The following TRAF6 variants were observed in gnomAD, a reference collection of about 807,000 sequenced individuals.
TRAF6 encodes TNF receptor-associated factor 6.
A neutral mutation model predicts 48.4 loss-of-function variants in TRAF6; 10 were observed. That is an observed-to-expected ratio of 0.21 (90% CI 0.13 to 0.35). The LOEUF (loss-of-function observed/expected upper bound fraction) is 0.35, where lower values mean the gene tolerates loss of function less well. TRAF6 is among the 10% of genes least tolerant of loss of function. TRAF6 has a pLI of 1.00. For missense variants in TRAF6, 397 were observed against 661.0 expected, an observed-to-expected ratio of 0.60 and a Z score of 4.38; for synonymous variants, 186 against 219.6, an observed-to-expected ratio of 0.85 and a Z score of 1.35.
Position 36,491,150 on chromosome 11 carries a change from C to T in TRAF6, c.757-500G>A, listed in dbSNP as rs775558685. Among the ~76,000 whole-genome samples, 277 of 97,790 alleles carry T rather than the reference C, an allele frequency of 2.8e-3. 1 individual carries two copies. The highest frequency in any genetic ancestry group is 4.3e-3 in the Non-Finnish European group (225 of 51,842). 64.2% of individuals were successfully genotyped at this position (97,790 alleles called of 152,430 possible). On this transcript the variant is annotated intron_variant, in intron 6 of 6. Transcript: ENST00000526995. ...TGTCTCTCTCTAGTTAATATTAATA[C>T]CATTTTTTTTAAAGTCAAGAATATA...
intron 3 of TRAF6, among the ~76,000 whole-genome samples, chr11:36,498,004 C>A (rs1859664118): frequency 6.6e-6 from 1 of 151,672 alleles, no homozygotes; most frequent in South Asian, 2.1e-4. Context: ...CCTGCTTTGG[C>A]CTCCTGAGTA....
rs1489280514 is a variant in TRAF6 at position 36,488,713 on chromosome 11, A to AAC, written c.*1123_*1124dup. 1 of 152,240 alleles carries AAC rather than the reference A, an allele frequency of 6.6e-6. No individual in the cohort carries two copies. Among genetic ancestry groups the AAC allele is most frequent in the Non-Finnish European group, 1.5e-5 (1 of 68,046 alleles). The allele number at this position is 152,240 out of a possible 1,614,324, so 9.4% of individuals were successfully genotyped here. A position where few individuals can be genotyped will look rare whatever the true frequency, so the allele number is the denominator to read the frequency against. On this transcript the variant is annotated 3_prime_UTR_variant, in exon 7 of 7. Coordinates refer to ENST00000526995, the MANE Select transcript of TRAF6 (RefSeq NM_004620.4). ...GAACCTGCAGTTGTTAGGCTACAGC[A>AAC]ACATACTCAAGCTAAGTTGTGATAC...
intron 1 of TRAF6, among the ~76,000 whole-genome samples, chr11:36,506,265 G>A (rs1294669493): frequency 6.6e-6 from 1 of 152,176 alleles, no homozygotes; most frequent in Non-Finnish European, 1.5e-5. Context: ...TGTTGGATCA[G>A]AGGGTATGTA....
At chr11:36,495,271 G>C (rs1859614859) in intron 4 of TRAF6, among the ~76,000 whole-genome samples, 1 of 152,090 alleles carries the variant, frequency 6.6e-6, no homozygotes, top group Non-Finnish European at 1.5e-5. Flanking sequence ...AAAAGAGCAG[G>C]GTAGTATATA....
intron 5 of TRAF6, among the ~76,000 whole-genome samples, 176 bp from the exon 6 acceptor site, chr11:36,492,804 T>C (rs748924082): frequency 6.6e-6 from 1 of 152,246 alleles, no homozygotes; most frequent in Admixed American, 6.5e-5. Context: ...TCAAAAGTTA[T>C]AGAGAAAGGA....
At chr11:36,502,130 G>C (rs1220842587) in intron 1 of TRAF6, among the ~76,000 whole-genome samples, 2 of 152,176 alleles carry the variant, frequency 1.3e-5, no homozygotes, top group Non-Finnish European at 2.9e-5. Context: ...GTGTGATTTA[G>C]TGCAAGTTAC....
At chr11:36,501,957 G>T in intron 1 of TRAF6, 1 of 152,982 alleles carries the variant, frequency 6.5e-6, no homozygotes, top group Non-Finnish European at 1.5e-5. Context: ...CTTAGCACAC[G>T]ATTTTTCATA....
intron 2 of TRAF6, among the ~76,000 whole-genome samples, chr11:36,500,667 A>C (rs918170437): frequency 5.3e-5 from 8 of 152,184 alleles, no homozygotes; most frequent in Admixed American, 2.0e-4. Context: ...GTGGTGAGTC[A>C]CAACAGGGTG....
At position 36,490,599 on chromosome 11, in the gene TRAF6, T is replaced by C. The variant is rs1859550607; in HGVS notation, c.808A>G (p.Met270Val). 2 of 1,613,966 alleles carry C rather than the reference T, an allele frequency of 1.2e-6. No homozygotes were observed. The highest frequency in any genetic ancestry group is 8.5e-7 in the Non-Finnish European group (1 of 1,179,894). ...TGAACAGCCTGGGCCAACATTCTCA[T>C]GTGTGACTGGGTGTTCTCTTGTAGG... ...RHLQENTQSH[M>V]RMLAQAVHSL... The change falls in exon 7 of 7, where the codon ATG becomes GTG. Residue 270 changes from methionine (M) to valine (V), a missense_variant. By Grantham distance (21) the Met-to-Val change is conservative (BLOSUM62 1). Transcript: ENST00000526995. The surrounding 1 kb of genome is among the most constrained non-coding windows in gnomAD (Gnocchi z 6.4).
intron 2 of TRAF6, 103 bp downstream of exon 2, chr11:36,501,117 T>G: frequency 8.6e-7 from 1 of 1,159,548 alleles, no homozygotes; most frequent in Non-Finnish European, 1.2e-6. Flanking sequence ...CTAAGTAGCT[T>G]TTTATGTGTA....
intron 2 of TRAF6, among the ~76,000 whole-genome samples, chr11:36,498,898 G>T (rs966834827): frequency 1.2e-4 from 19 of 152,176 alleles, no homozygotes; most frequent in Admixed American, 7.9e-4. Context: ...ATAGATTCCA[G>T]CTTTTTGAGA....
At position 36,501,489 on chromosome 11, in the gene TRAF6, G is replaced by A. The variant is rs1237325582; in HGVS notation, c.27C>T (p.Ser9=). ...CACTTTCAGACTGGCTGGATCCACAGCTGTTTTCACAGTTTAGCAGACTCA... is the reference window on the plus strand; with the variant it reads ...CACTTTCAGACTGGCTGGATCCACAACTGTTTTCACAGTTTAGCAGACTCA... MSLLNCEN[S]CGSSQSESDC... Residue 9 remains serine, a synonymous_variant, in exon 2 of 7, where the codon AGC becomes AGT. Coordinates refer to ENST00000526995, the MANE Select transcript of TRAF6 (RefSeq NM_004620.4). 1 of 1,610,520 alleles carries A rather than the reference G, an allele frequency of 6.2e-7. No homozygotes were observed. Among genetic ancestry groups the A allele is most frequent in the South Asian group, 1.1e-5 (1 of 90,878 alleles).
Position 36,489,727 on chromosome 11 carries a change from T to C in TRAF6, c.*111A>G. 1 of 1,139,108 alleles carries C rather than the reference T, an allele frequency of 8.8e-7. No individual in the cohort carries two copies. The highest frequency in any genetic ancestry group is 1.3e-6 in the Non-Finnish European group (1 of 788,350). 70.6% of individuals were successfully genotyped at this position (1,139,108 alleles called of 1,614,324 possible). On this transcript the variant is annotated 3_prime_UTR_variant, in exon 7 of 7. Coordinates refer to ENST00000526995, the MANE Select transcript of TRAF6 (RefSeq NM_004620.4). ...AAGTGACCTCTCTAACAACACTCACTAGTAGATATTACATATTTCCCGTGG... is the reference window on the plus strand; with the variant it reads ...AAGTGACCTCTCTAACAACACTCACCAGTAGATATTACATATTTCCCGTGG...
chr11:36,503,134 A>T (rs1321368545), intron 1 of TRAF6, among the ~76,000 whole-genome samples: 1 of 152,174 alleles, frequency 6.6e-6, no homozygotes, highest in Non-Finnish European at 1.5e-5. Flanking sequence ...TGTTTTGACC[A>T]ATTTGTCCAT....
rs1859504345 is a variant in TRAF6 at position 36,487,675 on chromosome 11, G to C, written c.*2163C>G. On this transcript the variant is annotated 3_prime_UTR_variant, in exon 7 of 7. Transcript: ENST00000526995. ...AATATCTGGTCCAAATCATTTTACA[G>C]ATGGGAAGCTTGCTAAAAGCTGAAA... 6.6e-6 allele frequency: 1 copy of C among 152,148 alleles called. No individual in the cohort carries two copies. Among genetic ancestry groups the C allele is most frequent in the African/African-American group, 2.4e-5 (1 of 41,420 alleles). 9.4% of individuals were successfully genotyped at this position (152,148 alleles called of 1,614,324 possible). A position where few individuals can be genotyped will look rare whatever the true frequency, so the allele number is the denominator to read the frequency against.
chr11:36,501,170 T>G, intron 2 of TRAF6, 50 bp downstream of exon 2: 2 of 1,471,620 alleles, frequency 1.4e-6, no homozygotes, highest in Non-Finnish European at 1.8e-6. Context: ...AACAATGTTC[T>G]CTGCATCTGG....
rs539193489 is a variant in TRAF6 at position 36,484,130 on chromosome 11, G to T, written c.*5708C>A. On this transcript the variant is annotated 3_prime_UTR_variant, in exon 7 of 7. Coordinates refer to ENST00000526995, the MANE Select transcript of TRAF6 (RefSeq NM_004620.4). The stretch of plus-strand genomic sequence containing the variant: ...ATTGACCTGATGGAGGCCATCCGAG[G>T]TTTCACTGCCATTAGGAGCAGGGCT... Among the ~76,000 whole-genome samples, 107 of 152,202 alleles carry T rather than the reference G, an allele frequency of 7.0e-4. No individual in the cohort carries two copies. The highest frequency in any genetic ancestry group is 2.5e-3 in the African/African-American group (105 of 41,448).
In TRAF6 at chr11:36,486,757, A is replaced by C. The variant is rs1044589383; in HGVS notation, c.*3081T>G. On this transcript the variant is annotated 3_prime_UTR_variant, in exon 7 of 7. Coordinates refer to ENST00000526995, the MANE Select transcript of TRAF6 (RefSeq NM_004620.4). ...AAATCAACATTCAGACTTGTTTGCC[A>C]ACAGCAAAATGTATGACGTGCAGCA... 6.6e-6 allele frequency among the ~76,000 whole-genome samples: 1 copy of C among 152,182 alleles called. No individual in the cohort carries two copies. Among genetic ancestry groups the C allele is most frequent in the African/African-American group, 2.4e-5 (1 of 41,408 alleles).
chr11:36,507,617 GTA>G lies in TRAF6; in HGVS notation c.-23+2429_-23+2430del, dbSNP rs1329147044. Among the ~76,000 whole-genome samples, 4 of 5,204 alleles carry G rather than the reference GTA, an allele frequency of 7.7e-4. 1 individual carries two copies. The highest frequency in any genetic ancestry group is 1.2e-3 in the African/African-American group (4 of 3,364). The allele number at this position is 5,204 out of a possible 152,430, so 3.4% of individuals were successfully genotyped here. On this transcript the variant is annotated intron_variant, in intron 1 of 6. Coordinates refer to ENST00000526995, the MANE Select transcript of TRAF6 (RefSeq NM_004620.4). Reference sequence around the variant, plus strand: ...TATATATGTATACATACACGCGCGTGTATATATGTATACATACACGCGCGTGT... The same window carrying G: ...TATATATGTATACATACACGCGCGTGTATATGTATACATACACGCGCGTGT...
Sources: allele counts gnomAD v4.1 joint callset (sites outside exome capture counted in the v4.1 genomes callset), GRCh38; gene constraint gnomAD v4.1.1; non-coding constraint Gnocchi (gnomAD v3.1); transcripts MANE v1.5; gene names NCBI Gene and HGNC (gene_info 2026-07-23, HGNC 2026-07-21).